SH3GLB1: variants seen among roughly 807,000 people sequenced by gnomAD.
The protein encoded by SH3GLB1 is endophilin-B1.
SH3GLB1 carries 17 observed loss-of-function variants against 42.0 expected under a neutral mutation model. The ratio of observed to expected loss-of-function variants is 0.40; its 90% CI spans 0.28 to 0.61. SH3GLB1 has a LOEUF of 0.61. Ranked by LOEUF, SH3GLB1 falls within the 20% of genes least tolerant of loss-of-function variation. The pLI is 0.36. For missense variants in SH3GLB1, 355 were observed against 426.3 expected, an observed-to-expected ratio of 0.83 and a Z score of 1.47; for synonymous variants, 132 against 146.6, an observed-to-expected ratio of 0.90 and a Z score of 0.72.
intron 1 of SH3GLB1, among the ~76,000 whole-genome samples, 156 bp from the exon 2 acceptor site, chr1:86,715,567 CA>C (rs1000234040): frequency 2.0e-5 from 3 of 151,324 alleles, no homozygotes; most frequent in Admixed American, 6.6e-5. Context: ...ACCATAGGAG[CA>C]AAAAAAAGTA....
In SH3GLB1 at chr1:86,742,397, T is replaced by A. The variant is rs1656103525; in HGVS notation, c.951T>A (p.Asp317Glu). 1.2e-6 allele frequency: 2 copies of A among 1,614,018 alleles called. No homozygotes were observed. The highest frequency in any genetic ancestry group is 2.7e-5 in the African/African-American group (2 of 74,906). ...SRKARVLYDY[D>E]AANSTELSLL... is the part of the protein sequence containing the mutation. ...AGGCCAGGGTTCTCTATGATTATGA[T>A]GCAGCAAACAGTACTGAATTATCAC... The change falls in exon 8 of 9, where the codon GAT (aspartate) becomes GAA (glutamate). Residue 317 changes from aspartate (D) to glutamate (E), a missense_variant. Transcript: ENST00000370558.
rs184362541 is a variant in SH3GLB1, at chr1:86,734,876, C to T, written c.660+185C>T. 3.3e-5 allele frequency among the ~76,000 whole-genome samples: 5 copies of T among 152,282 alleles called. No homozygotes were observed. In the East Asian group the frequency reaches 9.6e-4, roughly 29 times the overall value. The stretch of plus-strand genomic sequence containing the variant: ...TCTTATCACCGAGTTCTCCCACCCT[C>T]ATTAAATATACATGTTGTTGTTTAT... On this transcript the variant is annotated intron_variant, in intron 6 of 8. Coordinates refer to ENST00000370558, the MANE Select transcript of SH3GLB1 (RefSeq NM_016009.5).
At chr1:86,709,211 A>G (rs962957915) in intron 1 of SH3GLB1, among the ~76,000 whole-genome samples, 1 of 152,206 alleles carries the variant, frequency 6.6e-6, no homozygotes, top group Admixed American at 6.5e-5. Context: ...ATAAGTTTGT[A>G]TGTGCTAAGG....
intron 6 of SH3GLB1, 43 bp from the exon 7 acceptor site, chr1:86,735,036 G>C: frequency 6.8e-7 from 1 of 1,472,536 alleles, no homozygotes; most frequent in Non-Finnish European, 9.5e-7. Flanking sequence ...TGCCATTTAA[G>C]TTGACTATAC....
rs1653721971 is a variant in SH3GLB1, at chr1:86,704,816, C to T, written c.-84C>T. Reference sequence around the variant, plus strand: ...CCACCTACCACGTCTGCCCTCGCCGCTCTAGCCCTGCGCCCCAGCCCGGCC... The same window carrying T: ...CCACCTACCACGTCTGCCCTCGCCGTTCTAGCCCTGCGCCCCAGCCCGGCC... On this transcript the variant is annotated 5_prime_UTR_variant, in exon 1 of 9. Coordinates refer to ENST00000370558, the MANE Select transcript of SH3GLB1 (RefSeq NM_016009.5). The T allele has an allele frequency of 1.3e-5, 11 of 875,466 alleles. 1 individual carries two copies. The South Asian group carries it at 1.6e-4, about 13-fold the overall frequency. 54.2% of individuals were successfully genotyped at this position (875,466 alleles called of 1,614,324 possible).
intron 7 of SH3GLB1, among the ~76,000 whole-genome samples, chr1:86,739,089 T>G (rs141027929): frequency 5.3e-5 from 8 of 152,338 alleles, no homozygotes; most frequent in African/African-American, 1.9e-4. Context: ...ATGTTAAGTT[T>G]GAGATGTCTC....
Position 86,735,179 on chromosome 1 carries a change from G to A in SH3GLB1, c.761G>A (p.Ser254Asn). Residue 254 changes from serine (S) to asparagine (N), a missense_variant and splice_region_variant, in exon 7 of 9, where the codon AGT becomes AAT. Coordinates refer to ENST00000370558, the MANE Select transcript of SH3GLB1 (RefSeq NM_016009.5). ...YMLDLQKQLGSFPSNYLSNNN... is the reference protein window; with the variant it reads ...YMLDLQKQLGNFPSNYLSNNN... ...TTGGACCTCCAGAAACAACTGGGAA[G>A]GTGATAATTTACTTTTCACATGTAA... is the stretch of plus-strand genomic sequence containing the variant. The A allele has an allele frequency of 6.2e-7, 1 of 1,601,076 alleles. No homozygotes were observed. Among genetic ancestry groups the A allele is most frequent in the Non-Finnish European group, 8.6e-7 (1 of 1,168,838 alleles).
chr1:86,746,471 C>T lies in SH3GLB1; in HGVS notation c.*3236C>T, dbSNP rs1009582864. ...GCCTATAGCCAACTTTGCCTCAAGA[C>T]CTCCAGATAAGATGAAGTGGCTTTT... On this transcript the variant is annotated 3_prime_UTR_variant, in exon 9 of 9. Coordinates refer to ENST00000370558, the MANE Select transcript of SH3GLB1 (RefSeq NM_016009.5). 6.6e-6 allele frequency: 1 copy of T among 152,314 alleles called. No homozygotes were observed. The highest frequency in any genetic ancestry group is 1.5e-5 in the Non-Finnish European group (1 of 68,144). The allele number at this position is 152,314 out of a possible 1,614,324, so 9.4% of individuals were successfully genotyped here. A position where few individuals can be genotyped will look rare whatever the true frequency, so the allele number is the denominator to read the frequency against.
intron 2 of SH3GLB1, among the ~76,000 whole-genome samples, chr1:86,716,214 C>T (rs1654519142): frequency 6.6e-6 from 1 of 151,964 alleles, no homozygotes; most frequent in Non-Finnish European, 1.5e-5. Context: ...TATATAGTTG[C>T]TTAAGTAGGT....
chr1:86,712,299 G>A (rs182902204), intron 1 of SH3GLB1, among the ~76,000 whole-genome samples: 64 of 152,114 alleles, frequency 4.2e-4, no homozygotes, highest in African/African-American at 1.5e-3. Flanking sequence ...AGAGTGCTGC[G>A]AACAGACATA....
chr1:86,705,388 C>T (rs1653797617), intron 1 of SH3GLB1, among the ~76,000 whole-genome samples: 1 of 151,444 alleles, frequency 6.6e-6, no homozygotes, highest in Non-Finnish European at 1.5e-5. Flanking sequence ...TCTCACCCTC[C>T]CCTCGGAGTC....
intron 6 of SH3GLB1, 30 bp from the exon 7 acceptor site, chr1:86,735,049 C>A: frequency 1.9e-6 from 3 of 1,548,936 alleles, no homozygotes; most frequent in Non-Finnish European, 2.7e-6. Flanking sequence ...GACTATACAG[C>A]TAAGAACTAA....
intron 1 of SH3GLB1, among the ~76,000 whole-genome samples, chr1:86,711,343 C>T (rs1385456255): frequency 4.6e-5 from 7 of 151,536 alleles, no homozygotes; most frequent in South Asian, 2.1e-4. Context: ...ATAATGTAGC[C>T]GACTCAAAGA....
intron 5 of SH3GLB1, among the ~76,000 whole-genome samples, chr1:86,729,879 A>G (rs1655411041): frequency 6.6e-6 from 1 of 152,058 alleles, no homozygotes; most frequent in Non-Finnish European, 1.5e-5. Flanking sequence ...AAGATTTTAA[A>G]ATTGATAGCA....
At chr1:86,720,889 TTGAAAA>T (rs1470012090) in intron 3 of SH3GLB1, among the ~76,000 whole-genome samples, 3 of 152,244 alleles carry the variant, frequency 2.0e-5, no homozygotes, top group Non-Finnish European at 4.4e-5. Context: ...ATTTTTAAGT[TTGAAAA>T]TGCTTAGAAC....
chr1:86,715,242 C>T (rs557043618), intron 1 of SH3GLB1, among the ~76,000 whole-genome samples: 1 of 152,094 alleles, frequency 6.6e-6, no homozygotes, highest in South Asian at 2.1e-4. Context: ...ATACTTAATC[C>T]CCCAAACACT....
intron 1 of SH3GLB1, among the ~76,000 whole-genome samples, chr1:86,709,352 A>G (rs1654061694): frequency 1.3e-5 from 2 of 152,244 alleles, no homozygotes; most frequent in South Asian, 2.1e-4. Flanking sequence ...CATGTTAAAT[A>G]ACAGTATCTT....
intron 1 of SH3GLB1, among the ~76,000 whole-genome samples, chr1:86,706,477 A>G: frequency 6.6e-6 from 1 of 152,184 alleles, no homozygotes; most frequent in East Asian, 1.9e-4. Context: ...AAAATATGAT[A>G]TATTGTAGAC....
chr1:86,711,320 T>G lies in SH3GLB1; in HGVS notation c.73-4404T>G, dbSNP rs548238956. On this transcript the variant is annotated intron_variant, in intron 1 of 8. Transcript: ENST00000370558. ...GCCTATCCTGTAGTAAAAGAAGGAT[T>G]ACAGTGCCTGGTATAATGTAGCCGA... Among the ~76,000 whole-genome samples, 5 of 152,176 alleles carry G rather than the reference T, an allele frequency of 3.3e-5. No individual in the cohort carries two copies. In the East Asian group the frequency reaches 9.6e-4, roughly 29 times the overall value.
Sources: allele counts gnomAD v4.1 joint callset (sites outside exome capture counted in the v4.1 genomes callset), GRCh38; gene constraint gnomAD v4.1.1; transcripts MANE v1.5; gene names NCBI Gene and HGNC (gene_info 2026-07-23, HGNC 2026-07-21).